The following DLGAP2 variants were observed in gnomAD, a reference collection of about 807,000 sequenced individuals.
DLGAP2 encodes the protein disks large-associated protein 2.
DLGAP2 carries 26 observed loss-of-function variants against 100.3 expected under a neutral mutation model. That is an observed-to-expected ratio of 0.26 (90% CI 0.19 to 0.36). DLGAP2 has a LOEUF of 0.36. Among genes scored for constraint, DLGAP2 ranks in the 10% least tolerant of loss-of-function variants. The pLI is 1.00. For missense variants in DLGAP2, 1,858 were observed against 1,453.2 expected (o/e 1.28, Z -4.53); for synonymous variants, 886 against 630.1 (o/e 1.41, Z -6.08).
chr8:1,477,617 C>T (rs1798972157), intron 3 of DLGAP2, among the ~76,000 whole-genome samples: 1 of 152,182 alleles, frequency 6.6e-6, no homozygotes, highest in South Asian at 2.1e-4. Flanking sequence ...CTGTCTGTGG[C>T]CATGATAAAC....
intron 2 of DLGAP2, among the ~76,000 whole-genome samples, chr8:1,025,516 A>G (rs1302796555): frequency 1.3e-5 from 2 of 152,214 alleles, no homozygotes; most frequent in African/African-American, 4.8e-5. Context: ...AAGAGTTACC[A>G]GAATAGTTAA....
intron 3 of DLGAP2, among the ~76,000 whole-genome samples, chr8:1,357,076 T>G (rs1349061810): frequency 6.8e-6 from 1 of 147,962 alleles, no homozygotes; most frequent in East Asian, 2.0e-4. Flanking sequence ...CAGACTTTGA[T>G]CCAATGACAT....
chr8:832,277 A>G (rs1796797705), intron 1 of DLGAP2, among the ~76,000 whole-genome samples: 1 of 152,174 alleles, frequency 6.6e-6, no homozygotes, highest in South Asian at 2.1e-4. Context: ...TTTAGTCATG[A>G]CGTCCTTGCC....
chr8:1,268,691 G>C (rs1190987855), intron 3 of DLGAP2, among the ~76,000 whole-genome samples: 1 of 152,160 alleles, frequency 6.6e-6, no homozygotes, highest in East Asian at 1.9e-4. Flanking sequence ...GATTTCCTGA[G>C]AGTTACATGT....
chr8:964,010 C>T (rs1231001613), intron 2 of DLGAP2, among the ~76,000 whole-genome samples: 2 of 152,124 alleles, frequency 1.3e-5, no homozygotes, highest in African/African-American at 4.8e-5. Flanking sequence ...TTTTTATAAT[C>T]TCAAACATTA....
At chr8:750,006 CAT>C (rs1313799810) in intron 1 of DLGAP2, among the ~76,000 whole-genome samples, 1 of 152,220 alleles carries the variant, frequency 6.6e-6, no homozygotes, top group Non-Finnish European at 1.5e-5. Flanking sequence ...AAGCAGGACA[CAT>C]GTGAGTGCGG....
At chr8:1,431,113 A>G (rs925774294) in intron 3 of DLGAP2, among the ~76,000 whole-genome samples, 2 of 152,216 alleles carry the variant, frequency 1.3e-5, no homozygotes, top group African/African-American at 2.4e-5. Flanking sequence ...TATTATTTCA[A>G]TTGTTACAAC....
chr8:1,076,558 G>C (rs571202877), intron 2 of DLGAP2, among the ~76,000 whole-genome samples: 1 of 152,358 alleles, frequency 6.6e-6, no homozygotes, highest in East Asian at 1.9e-4. Context: ...CCAGGGCCAC[G>C]GCTCAGCCCC....
intron 2 of DLGAP2, among the ~76,000 whole-genome samples, chr8:988,302 A>G (rs993719870): frequency 6.6e-6 from 1 of 152,222 alleles, no homozygotes; most frequent in African/African-American, 2.4e-5. Context: ...TTTTAGCTTC[A>G]GGGTCACTGT....
chr8:1,514,142 C>T (rs1800276758), intron 4 of DLGAP2, among the ~76,000 whole-genome samples: 1 of 152,248 alleles, frequency 6.6e-6, no homozygotes, highest in Non-Finnish European at 1.5e-5. Flanking sequence ...GAAGCAAAGC[C>T]TGCACCCAAT....
At chr8:1,386,731 A>G (rs572115806) in intron 3 of DLGAP2, among the ~76,000 whole-genome samples, 2 of 152,278 alleles carry the variant, frequency 1.3e-5, no homozygotes, top group East Asian at 3.9e-4. Flanking sequence ...GATGCTCAGG[A>G]TGGGGAGGAA....
intron 2 of DLGAP2, among the ~76,000 whole-genome samples, chr8:1,028,081 G>C (rs1293170792): frequency 1.5e-5 from 2 of 131,652 alleles, no homozygotes; most frequent in African/African-American, 2.8e-5. Flanking sequence ...CCAAGCGCCC[G>C]TTATTCTCCA....
chr8:1,367,615 A>G (rs983327472), intron 3 of DLGAP2, among the ~76,000 whole-genome samples: 4 of 152,234 alleles, frequency 2.6e-5, no homozygotes, highest in African/African-American at 9.6e-5. Flanking sequence ...CATAGCTCAC[A>G]TGTTGCTAAG....
chr8:885,872 G>A (rs895476598), intron 1 of DLGAP2, among the ~76,000 whole-genome samples: 1 of 152,136 alleles, frequency 6.6e-6, no homozygotes, highest in Non-Finnish European at 1.5e-5. Context: ...TTTTATTGTT[G>A]TGTCTCTTCC....
chr8:1,609,533 C>G (rs1331484030), intron 6 of DLGAP2, among the ~76,000 whole-genome samples: 1 of 135,158 alleles, frequency 7.4e-6, no homozygotes, highest in Non-Finnish European at 1.6e-5. Context: ...CAAATTCACA[C>G]ATAATATTAA....
rs6558421 is a variant in DLGAP2, at chr8:1,193,250, C to A, written c.74-65601C>A. ...CTAGATCCTTGAGGAATCGCCACAC[C>A]GTCTTCCACAATGGTTGAACCAGTT... On this transcript the variant is annotated intron_variant, in intron 2 of 14. Coordinates refer to ENST00000637795, the MANE Select transcript of DLGAP2 (RefSeq NM_001346810.2). 3.9e-5 allele frequency among the ~76,000 whole-genome samples: 6 copies of A among 152,092 alleles called. No homozygotes were observed. In the East Asian group the frequency reaches 9.7e-4, roughly 25 times the overall value.
intron 6 of DLGAP2, among the ~76,000 whole-genome samples, chr8:1,618,683 T>A (rs917802898): frequency 1.3e-5 from 2 of 152,212 alleles, no homozygotes; most frequent in African/African-American, 4.8e-5. Context: ...GTGATATTCA[T>A]ATAAGAATAG....
At chr8:1,101,093 T>G (rs1804563596) in intron 2 of DLGAP2, among the ~76,000 whole-genome samples, 1 of 152,226 alleles carries the variant, frequency 6.6e-6, no homozygotes, top group African/African-American at 2.4e-5. Flanking sequence ...TAGAAGGGCC[T>G]GAACGGCATC....
At chr8:877,989 G>C (rs531718943) in intron 1 of DLGAP2, among the ~76,000 whole-genome samples, 106 of 152,286 alleles carry the variant, frequency 7.0e-4, no homozygotes, top group African/African-American at 2.5e-3. Context: ...CTGAATTTTC[G>C]TAGCTTCTCT....
Sources: allele counts gnomAD v4.1 joint callset (sites outside exome capture counted in the v4.1 genomes callset), GRCh38; gene constraint gnomAD v4.1.1; transcripts MANE v1.5; gene names NCBI Gene and HGNC (gene_info 2026-07-23, HGNC 2026-07-21).